Variants in DCC observed in about 807,000 individuals in gnomAD.
The protein encoded by DCC is DCC netrin 1 receptor.
DCC carries 58 observed loss-of-function variants against 172.5 expected under a neutral mutation model. The ratio of observed to expected loss-of-function variants is 0.34; its 90% CI spans 0.27 to 0.42. The LOEUF (loss-of-function observed/expected upper bound fraction) is 0.42. Ranked by LOEUF, DCC falls within the 10% of genes least tolerant of loss-of-function variation. DCC has a pLI of 1.00. For missense variants in DCC, 1,740 were observed against 1,791.0 expected, an observed-to-expected ratio of 0.97 and a Z score of 0.51; for synonymous variants, 709 against 644.5, an observed-to-expected ratio of 1.10 and a Z score of -1.52.
chr18:52,923,386 A>G (rs1445459029), intron 3 of DCC, among the ~76,000 whole-genome samples: 2 of 152,166 alleles, frequency 1.3e-5, no homozygotes, highest in Non-Finnish European at 2.9e-5. Flanking sequence ...GTTTTGGACA[A>G]TAACATTTAG....
chr18:52,914,608 G>A (rs955561308), intron 3 of DCC, among the ~76,000 whole-genome samples: 9 of 152,070 alleles, frequency 5.9e-5, no homozygotes, highest in South Asian at 2.1e-4. Flanking sequence ...TCTGGTTCCC[G>A]TGATCAGTTT....
chr18:52,728,173 G>GTCTCTC (rs5824956), intron 1 of DCC, among the ~76,000 whole-genome samples: 89 of 149,148 alleles, frequency 6.0e-4, no homozygotes, highest in South Asian at 5.1e-3. Context: ...TGTGGGCCCC[G>GTCTCTC]TCTCTCTCTC....
intron 2 of DCC, among the ~76,000 whole-genome samples, chr18:52,864,872 T>A (rs904668316): frequency 3.6e-4 from 54 of 152,034 alleles, no homozygotes; most frequent in African/African-American, 1.2e-3. Context: ...CTTTTTTTAT[T>A]TTATTTTTAT....
chr18:52,815,435 C>T (rs1253718291), intron 2 of DCC, among the ~76,000 whole-genome samples: 1 of 145,098 alleles, frequency 6.9e-6, no homozygotes, highest in Non-Finnish European at 1.5e-5. Context: ...CACACACACA[C>T]ACGTTCTCTC....
intron 1 of DCC, among the ~76,000 whole-genome samples, chr18:52,384,318 C>T (rs996175796): frequency 2.0e-5 from 3 of 152,132 alleles, no homozygotes; most frequent in Admixed American, 6.6e-5. Flanking sequence ...GCAATCCTGG[C>T]ATGCCTTTGC....
At chr18:53,456,862 G>A (rs1487973359) in intron 23 of DCC, among the ~76,000 whole-genome samples, 1 of 152,218 alleles carries the variant, frequency 6.6e-6, no homozygotes, top group Non-Finnish European at 1.5e-5. Context: ...GGTGACACCT[G>A]TTCCTATAGG....
intron 1 of DCC, among the ~76,000 whole-genome samples, chr18:52,643,926 A>G (rs530271533): frequency 6.6e-6 from 1 of 150,826 alleles, no homozygotes; most frequent in Admixed American, 6.7e-5. Context: ...AAAATAATGC[A>G]GAAGAAATTA....
At chr18:53,157,328 C>T (rs1157146745) in intron 7 of DCC, 28 bp from the exon 8 acceptor site, 6 of 1,613,720 alleles carry the variant, frequency 3.7e-6, no homozygotes, top group African/African-American at 1.3e-5. Flanking sequence ...AGCGACACCT[C>T]TGATAGCCTC....
chr18:53,078,990 G>C (rs4129323), intron 7 of DCC, among the ~76,000 whole-genome samples: 103,548 of 152,020 alleles, frequency 0.68, 37,184 homozygotes, highest in African/African-American at 0.9. Flanking sequence ...GAACTGATGT[G>C]TTCAGTTCTG....
At chr18:53,461,487 G>A (rs1351275059) in intron 24 of DCC, among the ~76,000 whole-genome samples, 1 of 152,060 alleles carries the variant, frequency 6.6e-6, no homozygotes, top group Non-Finnish European at 1.5e-5. Context: ...TCCAGTTTCA[G>A]CTTTCTACAT....
intron 2 of DCC, among the ~76,000 whole-genome samples, chr18:52,775,105 C>A (rs111652698): frequency 6.6e-4 from 101 of 152,208 alleles, no homozygotes; most frequent in African/African-American, 2.4e-3. Context: ...AGTTTCCCTT[C>A]GTCCACGCTC....
chr18:53,199,640 G>A, intron 9 of DCC, among the ~76,000 whole-genome samples: 1 of 150,960 alleles, frequency 6.6e-6, no homozygotes, highest in Admixed American at 6.6e-5. Flanking sequence ...TAAATCAAAG[G>A]GAAAATATTA....
chr18:52,413,172 A>G (rs1986899610), intron 1 of DCC, among the ~76,000 whole-genome samples: 1 of 151,474 alleles, frequency 6.6e-6, no homozygotes, highest in African/African-American at 2.4e-5. Flanking sequence ...TATCCACATT[A>G]CCCAGATGAT....
intron 1 of DCC, among the ~76,000 whole-genome samples, chr18:52,433,610 A>C (rs1987696047): frequency 6.6e-6 from 1 of 152,202 alleles, no homozygotes; most frequent in Non-Finnish European, 1.5e-5. Context: ...TAACACTTAC[A>C]TTAGAAGTAT....
intron 5 of DCC, among the ~76,000 whole-genome samples, chr18:53,053,463 A>G (rs1309156197): frequency 6.6e-6 from 1 of 152,108 alleles, no homozygotes; most frequent in Non-Finnish European, 1.5e-5. Context: ...TTATTTCATT[A>G]GGAATTAAGA....
At chr18:52,564,468 C>T (rs767676923) in intron 1 of DCC, among the ~76,000 whole-genome samples, 7 of 151,978 alleles carry the variant, frequency 4.6e-5, no homozygotes, top group Non-Finnish European at 5.9e-5. Context: ...GTAATATATA[C>T]CTAATCTCAT....
At chr18:52,660,426 T>A (rs2035337398) in intron 1 of DCC, among the ~76,000 whole-genome samples, 1 of 152,064 alleles carries the variant, frequency 6.6e-6, no homozygotes, top group Non-Finnish European at 1.5e-5. Flanking sequence ...AGAAACACCT[T>A]TTAATTGCCT....
At chr18:52,404,579 C>A (rs1986563089) in intron 1 of DCC, among the ~76,000 whole-genome samples, 1 of 150,518 alleles carries the variant, frequency 6.6e-6, no homozygotes, top group Non-Finnish European at 1.5e-5. Flanking sequence ...GAGTGACTAG[C>A]CCTTATCCCT....
intron 1 of DCC, among the ~76,000 whole-genome samples, chr18:52,357,653 C>A (rs8088453): frequency 1.3e-5 from 2 of 151,958 alleles, no homozygotes; most frequent in African/African-American, 2.4e-5. Context: ...GACTTCCTTC[C>A]GAAGACTATG....
Sources: gnomAD v4.1 joint callset for allele counts (sites outside exome capture counted in the v4.1 genomes callset) on GRCh38, gnomAD v4.1.1 for gene constraint, MANE v1.5 for transcripts, NCBI Gene and HGNC (gene_info 2026-07-23, HGNC 2026-07-21) for gene names.